The following KCNH1 variants were observed in gnomAD, a reference collection of about 807,000 sequenced individuals.
KCNH1 encodes potassium voltage-gated channel subfamily H member 1, also known as voltage-gated delayed rectifier potassium channel KCNH1.
Under a neutral mutation model 69.2 loss-of-function variants are expected in KCNH1, and 27 were observed. The ratio of observed to expected loss-of-function variants is 0.39; its 90% CI spans 0.29 to 0.54. The LOEUF is 0.54. KCNH1 is among the 20% of genes least tolerant of loss of function. KCNH1 has a pLI of 0.68. For synonymous variants in KCNH1, 456 were observed against 487.7 expected (o/e 0.93, Z 0.86); for missense variants, 798 against 1,261.6 (o/e 0.63, Z 5.57).
intron 6 of KCNH1, among the ~76,000 whole-genome samples, chr1:210,950,716 C>T (rs938901786): frequency 2.0e-5 from 3 of 152,112 alleles, no homozygotes; most frequent in South Asian, 2.1e-4. Context: ...CAATTACCAC[C>T]GGCCACTTAT....
chr1:210,824,160 C>T (rs1356089663), intron 7 of KCNH1, among the ~76,000 whole-genome samples: 3 of 8,494 alleles, frequency 3.5e-4, no homozygotes, highest in Non-Finnish European at 1.4e-3. Flanking sequence ...GTAAATGTGA[C>T]CCCCCCTTAA....
chr1:210,778,259 C>T (rs1471654965), intron 9 of KCNH1, among the ~76,000 whole-genome samples: 1 of 152,196 alleles, frequency 6.6e-6, no homozygotes, highest in African/African-American at 2.4e-5. Context: ...TCTTAAGCCA[C>T]TAAATTTAGG....
chr1:210,736,645 G>GA (rs1207947602), intron 10 of KCNH1, among the ~76,000 whole-genome samples: 2 of 151,464 alleles, frequency 1.3e-5, no homozygotes, highest in Admixed American at 6.6e-5. Context: ...CAGATACAGA[G>GA]AAAAAAAACA....
chr1:210,860,753 C>T (rs1685960106), intron 7 of KCNH1: 1 of 793,034 alleles, frequency 1.3e-6, no homozygotes, highest in Non-Finnish European at 2.3e-6. Context: ...ACAGGCATGT[C>T]TCTGTCATCA....
At chr1:210,896,813 G>GA (rs536644530) in intron 7 of KCNH1, among the ~76,000 whole-genome samples, 14 of 150,436 alleles carry the variant, frequency 9.3e-5, no homozygotes, top group South Asian at 2.1e-4. Flanking sequence ...ATAAAAGTAA[G>GA]AAAAAAAAAC....
intron 10 of KCNH1, among the ~76,000 whole-genome samples, chr1:210,692,250 C>G (rs1681543255): frequency 6.6e-6 from 1 of 152,170 alleles, no homozygotes; most frequent in Admixed American, 6.5e-5. Flanking sequence ...TTGGACATAT[C>G]TACTTTTGAC....
intron 6 of KCNH1, among the ~76,000 whole-genome samples, chr1:210,960,436 C>T (rs757318031): frequency 6.6e-6 from 1 of 152,192 alleles, no homozygotes; most frequent in Admixed American, 6.5e-5. Context: ...CTCTCTCCAC[C>T]TCTTTCCCCA....
At chr1:210,955,120 G>A (rs1173913931) in intron 6 of KCNH1, among the ~76,000 whole-genome samples, 1 of 152,136 alleles carries the variant, frequency 6.6e-6, no homozygotes, top group Admixed American at 6.5e-5. Flanking sequence ...TTCTACATAT[G>A]GCTAGCCAGT....
In KCNH1 at chr1:210,968,810, T is replaced by C. The variant is rs532921541; in HGVS notation, c.1033-48741A>G. 5.3e-5 allele frequency among the ~76,000 whole-genome samples: 8 copies of C among 152,100 alleles called. No homozygotes were observed. In the South Asian group the frequency reaches 1.2e-3, roughly 24 times the overall value. Reference sequence around the variant, plus strand: ...TAGGTTGCAAAAATTTTCTCCCATTTTGTAGGTTGCCTGTTCACTCTGATG... The same window carrying C: ...TAGGTTGCAAAAATTTTCTCCCATTCTGTAGGTTGCCTGTTCACTCTGATG... On this transcript the variant is annotated intron_variant, in intron 6 of 10. Transcript: ENST00000271751.
At chr1:211,068,359 A>G (rs1009548031) in intron 5 of KCNH1, among the ~76,000 whole-genome samples, 16 of 152,362 alleles carry the variant, frequency 1.1e-4, no homozygotes, top group African/African-American at 3.6e-4. Context: ...CTCTCTTCTA[A>G]TAACAAAGTA....
chr1:211,016,637 G>T (rs960253780), intron 6 of KCNH1, among the ~76,000 whole-genome samples: 1 of 152,034 alleles, frequency 6.6e-6, no homozygotes, highest in African/African-American at 2.4e-5. Flanking sequence ...GGCCAGGAGT[G>T]GTGGCTCACA....
intron 7 of KCNH1, among the ~76,000 whole-genome samples, chr1:210,842,798 C>T (rs1296006289): frequency 6.6e-6 from 1 of 152,038 alleles, no homozygotes. Flanking sequence ...TATAACAAAC[C>T]CTATAGCTAA....
At chr1:210,909,665 A>G (rs913901608) in intron 7 of KCNH1, among the ~76,000 whole-genome samples, 7 of 152,220 alleles carry the variant, frequency 4.6e-5, no homozygotes, top group Non-Finnish European at 7.3e-5. Flanking sequence ...ATACAATTTC[A>G]AAAATGGAAG....
chr1:210,741,004 G>T (rs1683014459), intron 10 of KCNH1, among the ~76,000 whole-genome samples: 1 of 152,064 alleles, frequency 6.6e-6, no homozygotes. Context: ...CAAGGTACCT[G>T]CTTTCCCCTC....
At chr1:210,960,700 T>C (rs1688276168) in intron 6 of KCNH1, among the ~76,000 whole-genome samples, 1 of 152,206 alleles carries the variant, frequency 6.6e-6, no homozygotes, top group East Asian at 1.9e-4. Flanking sequence ...AAAAAATATA[T>C]AAAGCTGCTA....
chr1:211,007,253 G>A (rs563134834), intron 6 of KCNH1, among the ~76,000 whole-genome samples: 2 of 152,234 alleles, frequency 1.3e-5, no homozygotes, highest in East Asian at 1.9e-4. Context: ...GAATGATAAC[G>A]TAAGAAATCA....
chr1:210,986,474 G>A (rs1328891970), intron 6 of KCNH1, among the ~76,000 whole-genome samples: 1 of 152,158 alleles, frequency 6.6e-6, no homozygotes, highest in Non-Finnish European at 1.5e-5. Flanking sequence ...TTTAGGGCAG[G>A]CCTGGTGGTG....
intron 10 of KCNH1, among the ~76,000 whole-genome samples, chr1:210,691,830 A>G (rs575682138): frequency 6.6e-6 from 1 of 152,318 alleles, no homozygotes; most frequent in South Asian, 2.1e-4. Context: ...TTGATTGATT[A>G]AGGTAAAAAA....
At chr1:210,823,773 ACC>A (rs764404115) in intron 7 of KCNH1, among the ~76,000 whole-genome samples, 35 of 152,124 alleles carry the variant, frequency 2.3e-4, no homozygotes, top group Non-Finnish European at 1.3e-4. Flanking sequence ...TCACACAGCA[ACC>A]AAGTGGTAGA....
Sources: allele counts gnomAD v4.1 joint callset (sites outside exome capture counted in the v4.1 genomes callset), GRCh38; gene constraint gnomAD v4.1.1; transcripts MANE v1.5; gene names NCBI Gene and HGNC (gene_info 2026-07-23, HGNC 2026-07-21).